The following MLLT3 variants were observed in gnomAD, a reference collection of about 807,000 sequenced individuals.
MLLT3 encodes the protein MLLT3 super elongation complex subunit.
In MLLT3, 4 loss-of-function variants were observed where a neutral mutation model predicts 53.2. The observed-to-expected ratio is 0.08, with a 90% confidence interval of 0.04 to 0.17. The LOEUF is 0.17. Ranked by LOEUF, MLLT3 falls within the 10% of genes least tolerant of loss-of-function variation. MLLT3 has a pLI of 1.00. For missense variants in MLLT3, 569 were observed against 684.0 expected, an observed-to-expected ratio of 0.83 and a Z score of 1.87; for synonymous variants, 283 against 230.6, an observed-to-expected ratio of 1.23 and a Z score of -2.06.
intron 2 of MLLT3, among the ~76,000 whole-genome samples, chr9:20,599,201 A>G (rs1307759599): frequency 6.6e-6 from 1 of 151,760 alleles, no homozygotes; most frequent in African/African-American, 2.4e-5. Context: ...CTACTCAGGA[A>G]GCTGAGACAG....
intron 2 of MLLT3, among the ~76,000 whole-genome samples, chr9:20,579,796 A>G (rs577877923): frequency 7.9e-5 from 12 of 152,290 alleles, no homozygotes; most frequent in African/African-American, 2.9e-4. Context: ...GTAACAGCAT[A>G]AAGGTGAGGC....
At chr9:20,546,604 T>C (rs1372065513) in intron 2 of MLLT3, among the ~76,000 whole-genome samples, 1 of 151,500 alleles carries the variant, frequency 6.6e-6, no homozygotes, top group Non-Finnish European at 1.5e-5. Context: ...TAGACACACC[T>C]GACAGTGATA....
At chr9:20,475,273 A>G (rs954347923) in intron 2 of MLLT3, among the ~76,000 whole-genome samples, 4 of 152,112 alleles carry the variant, frequency 2.6e-5, no homozygotes, top group African/African-American at 7.2e-5. Flanking sequence ...AATTTCTACA[A>G]TGTGAAAGAG....
At chr9:20,605,914 T>G (rs1347048388) in intron 2 of MLLT3, among the ~76,000 whole-genome samples, 2 of 152,094 alleles carry the variant, frequency 1.3e-5, no homozygotes, top group Non-Finnish European at 2.9e-5. Context: ...TACTTAACAT[T>G]TAATAATTAA....
intron 2 of MLLT3, among the ~76,000 whole-genome samples, chr9:20,513,340 C>T (rs1418019421): frequency 2.0e-5 from 3 of 152,088 alleles, no homozygotes; most frequent in Non-Finnish European, 4.4e-5. Flanking sequence ...TCTGTCAGTC[C>T]GATGAGACAC....
chr9:20,359,231 A>G (rs1385796574), intron 8 of MLLT3, among the ~76,000 whole-genome samples: 2 of 151,204 alleles, frequency 1.3e-5, no homozygotes, highest in Non-Finnish European at 2.9e-5. Flanking sequence ...GCACAAATTT[A>G]CAAAAGGATC....
chr9:20,367,848 A>G (rs1821498075), intron 5 of MLLT3, among the ~76,000 whole-genome samples: 1 of 152,138 alleles, frequency 6.6e-6, no homozygotes, highest in Admixed American at 6.5e-5. Context: ...GTTTCTCACC[A>G]ATGCTTTGTT....
In MLLT3 at chr9:20,620,497, G is replaced by C. The variant is rs1163688193; in HGVS notation, c.193+157C>G. 2.0e-5 allele frequency among the ~76,000 whole-genome samples: 3 copies of C among 151,006 alleles called. No individual in the cohort carries two copies. The highest frequency in any genetic ancestry group is 3.0e-5 in the Non-Finnish European group (2 of 67,676). On this transcript the variant is annotated intron_variant, in intron 2 of 10. Coordinates refer to ENST00000380338, the MANE Select transcript of MLLT3 (RefSeq NM_004529.4). The surrounding 1 kb of genome is among the most constrained non-coding windows in gnomAD (Gnocchi z 6.1). ...GTGGCGCGCGCGCGGGCAGGCGGGA[G>C]CCGGGACCTGGCCCGCGCGGCGCCG...
At chr9:20,570,545 T>G (rs1330334458) in intron 2 of MLLT3, among the ~76,000 whole-genome samples, 1 of 152,212 alleles carries the variant, frequency 6.6e-6, no homozygotes, top group African/African-American at 2.4e-5. Flanking sequence ...ATTTCTGGAA[T>G]GTCTATAACA....
Position 20,621,902 on chromosome 9 carries a change from C to T in MLLT3, c.12+343G>A. On this transcript the variant is annotated intron_variant, in intron 1 of 10. Transcript: ENST00000380338. This position sits in a 1 kb window ranked among gnomAD's most constrained non-coding sequence, Gnocchi z 7.0. ...TGAGTTATTATTCGCCTCCTTCCAC[C>T]GTGTGTGTGTGTGTGTGTGAGTGCG... The T allele has an allele frequency of 1.6e-6, 2 of 1,233,368 alleles. No homozygotes were observed. The highest frequency in any genetic ancestry group is 3.3e-5 in the East Asian group (1 of 30,354). The allele number at this position is 1,233,368 out of a possible 1,614,324, so 76.4% of individuals were successfully genotyped here.
chr9:20,535,717 C>T (rs1391174932), intron 2 of MLLT3, among the ~76,000 whole-genome samples: 2 of 152,202 alleles, frequency 1.3e-5, no homozygotes, highest in Non-Finnish European at 2.9e-5. Flanking sequence ...CAGAGATGCT[C>T]ACCAGAATTA....
At chr9:20,442,202 T>C (rs182118346) in intron 4 of MLLT3, among the ~76,000 whole-genome samples, 116 of 152,184 alleles carry the variant, frequency 7.6e-4, no homozygotes, top group African/African-American at 2.6e-3. Context: ...ATCCATCAGA[T>C]TGGGGGAGAG....
At chr9:20,359,526 C>G (rs1293141054) in intron 8 of MLLT3, among the ~76,000 whole-genome samples, 2 of 152,338 alleles carry the variant, frequency 1.3e-5, no homozygotes, top group East Asian at 1.9e-4. Flanking sequence ...TGAACTGTAA[C>G]TGGTACAACA....
At chr9:20,442,327 AT>A (rs1228899959) in intron 4 of MLLT3, among the ~76,000 whole-genome samples, 4 of 151,510 alleles carry the variant, frequency 2.6e-5, no homozygotes, top group African/African-American at 9.7e-5. Flanking sequence ...CAAAATTTAA[AT>A]TTCACTTTGC....
At chr9:20,442,074 T>C (rs1256418928) in intron 4 of MLLT3, among the ~76,000 whole-genome samples, 1 of 152,162 alleles carries the variant, frequency 6.6e-6, no homozygotes, top group Non-Finnish European at 1.5e-5. Context: ...ATTTCCAATT[T>C]AAAATACATT....
intron 2 of MLLT3, among the ~76,000 whole-genome samples, chr9:20,499,196 G>A (rs1050717044): frequency 2.0e-5 from 3 of 152,078 alleles, no homozygotes; most frequent in African/African-American, 7.2e-5. Flanking sequence ...GCAGTCACTG[G>A]ACTTGGGCCA....
intron 2 of MLLT3, among the ~76,000 whole-genome samples, chr9:20,491,985 T>C (rs2118923687): frequency 6.6e-6 from 1 of 152,192 alleles, no homozygotes; most frequent in East Asian, 1.9e-4. Flanking sequence ...TGAACACCTA[T>C]TTGTGTTTTG....
At chr9:20,476,505 A>C (rs1273821474) in intron 2 of MLLT3, among the ~76,000 whole-genome samples, 2 of 152,126 alleles carry the variant, frequency 1.3e-5, no homozygotes, top group African/African-American at 4.8e-5. Flanking sequence ...ACTGCCAAAA[A>C]ATTTATATCC....
chr9:20,402,894 C>T (rs1455145631), intron 5 of MLLT3, among the ~76,000 whole-genome samples: 2 of 152,168 alleles, frequency 1.3e-5, no homozygotes, highest in Non-Finnish European at 2.9e-5. Context: ...GGGGCACAGG[C>T]TGAGATGCTG....
Sources: allele counts gnomAD v4.1 joint callset (sites outside exome capture counted in the v4.1 genomes callset), GRCh38; gene constraint gnomAD v4.1.1; non-coding constraint Gnocchi (gnomAD v3.1); transcripts MANE v1.5; gene names NCBI Gene and HGNC (gene_info 2026-07-23, HGNC 2026-07-21).